TTC21B: variants seen among roughly 807,000 people sequenced by gnomAD.
TTC21B encodes the protein tetratricopeptide repeat domain 21B.
In TTC21B, 127 loss-of-function variants were observed where a neutral mutation model predicts 175.1. The ratio of observed to expected loss-of-function variants is 0.73; its 90% CI spans 0.63 to 0.84. TTC21B has a LOEUF of 0.84. Among genes scored for constraint, TTC21B ranks in the 40% least tolerant of loss-of-function variants. TTC21B has a pLI of 0.00. For synonymous variants in TTC21B, 524 were observed against 524.5 expected, an observed-to-expected ratio of 1.00 and a Z score of 0.01; for missense variants, 1,561 against 1,558.3, an observed-to-expected ratio of 1.00 and a Z score of -0.03.
At chr2:165,917,600 T>A in intron 13 of TTC21B, 119 bp from the exon 14 acceptor site, 2 of 829,720 alleles carry the variant, frequency 2.4e-6, no homozygotes, top group South Asian at 1.5e-5. Context: ...ATTGTATGCA[T>A]GAGGTCTATC....
intron 1 of TTC21B, among the ~76,000 whole-genome samples, chr2:165,951,458 AT>A (rs1400428000): frequency 6.6e-6 from 1 of 152,168 alleles, no homozygotes; most frequent in Non-Finnish European, 1.5e-5. Flanking sequence ...TAAAAAAAAA[AT>A]GTGTCCTGCG....
chr2:165,952,987 G>A (rs1164436360), intron 1 of TTC21B, among the ~76,000 whole-genome samples: 1 of 152,212 alleles, frequency 6.6e-6, no homozygotes, highest in East Asian at 1.9e-4. Context: ...TAAAATCTGA[G>A]AAGGCAGAAA....
rs142565795 is a variant in TTC21B at position 165,898,670 on chromosome 2, A to G, written c.2950+16T>C. 7.9e-4 allele frequency: 1,238 copies of G among 1,559,818 alleles called. 13 individuals are homozygous for G. In the African/African-American group the frequency reaches 0.015, roughly 19 times the overall value. ...GGGGTGACTGCACTCAAAAAATACA[A>G]TAAGTAGGTATTTACCTGGCTTACG... is the stretch of plus-strand genomic sequence containing the variant. On this transcript the variant is annotated intron_variant, in intron 22 of 28. Coordinates refer to ENST00000243344, the MANE Select transcript of TTC21B (RefSeq NM_024753.5).
chr2:165,877,180 AAT>A (rs1457494735), intron 27 of TTC21B, among the ~76,000 whole-genome samples: 3 of 152,216 alleles, frequency 2.0e-5, no homozygotes, highest in Admixed American at 6.5e-5. Flanking sequence ...TGTAATAAAA[AAT>A]ATCTCACTCT....
Position 165,873,751 on chromosome 2 carries a change from C to G in TTC21B, c.*1004G>C, listed in dbSNP as rs1288647796. 6.6e-6 allele frequency: 1 copy of G among 152,048 alleles called. No homozygotes were observed. The highest frequency in any genetic ancestry group is 1.5e-5 in the Non-Finnish European group (1 of 68,028). 9.4% of individuals were successfully genotyped at this position (152,048 alleles called of 1,614,324 possible). A position where few individuals can be genotyped will look rare whatever the true frequency, so the allele number is the denominator to read the frequency against. ...GATTATTTCTTAAGACCACAATGGCCTTGAAAGCAGGAAGAATGAGCTCAA... is the reference window on the plus strand; with the variant it reads ...GATTATTTCTTAAGACCACAATGGCGTTGAAAGCAGGAAGAATGAGCTCAA... On this transcript the variant is annotated 3_prime_UTR_variant, in exon 29 of 29. Transcript: ENST00000243344.
chr2:165,946,217 T>C (rs1483125983), intron 3 of TTC21B, among the ~76,000 whole-genome samples: 1 of 150,124 alleles, frequency 6.7e-6, no homozygotes, highest in Non-Finnish European at 1.5e-5. Context: ...CGTGCACCTG[T>C]AGTCCCAGCT....
Position 165,911,476 on chromosome 2 carries a change from T to G in TTC21B, c.2323-11A>C. The G allele has an allele frequency of 6.2e-7, 1 of 1,613,638 alleles. No homozygotes were observed. Among genetic ancestry groups the G allele is most frequent in the Non-Finnish European group, 8.5e-7 (1 of 1,179,808 alleles). On this transcript the variant is annotated splice_polypyrimidine_tract_variant and intron_variant, in intron 17 of 28. Coordinates refer to ENST00000243344, the MANE Select transcript of TTC21B (RefSeq NM_024753.5). ...ATAGTAAGTGATTGCCTAAACAAAATTCATTCCATTTAAGGGAACAAGGCA... is the reference window on the plus strand; with the variant it reads ...ATAGTAAGTGATTGCCTAAACAAAAGTCATTCCATTTAAGGGAACAAGGCA...
intron 19 of TTC21B, among the ~76,000 whole-genome samples, chr2:165,902,336 C>A (rs1685597128): frequency 6.6e-6 from 1 of 152,190 alleles, no homozygotes; most frequent in South Asian, 2.1e-4. Flanking sequence ...TAAGAACTCA[C>A]ACGTTTTAGG....
chr2:165,893,496 T>A (rs1006712251), intron 22 of TTC21B, among the ~76,000 whole-genome samples: 28 of 152,198 alleles, frequency 1.8e-4, no homozygotes, highest in Admixed American at 4.6e-4. Context: ...TAAATTACAT[T>A]CACTTGTCTT....
At position 165,933,636 on chromosome 2, in the gene TTC21B, C is replaced by T. The variant is rs142420032; in HGVS notation, c.711-579G>A. On this transcript the variant is annotated intron_variant, in intron 6 of 28. Coordinates refer to ENST00000243344, the MANE Select transcript of TTC21B (RefSeq NM_024753.5). ...AAAAAGAACTGAACCAAAAAGGTAA[C>T]GCCCCAGACTTCTCTTATCATGGAT... Among the ~76,000 whole-genome samples, 413 of 152,222 alleles carry T rather than the reference C, an allele frequency of 2.7e-3. 2 individuals carry two copies. The highest frequency in any genetic ancestry group is 2.1e-3 in the Non-Finnish European group (141 of 68,006).
At chr2:165,884,141 A>G in intron 25 of TTC21B, 123 bp from the exon 26 acceptor site, 3 of 795,640 alleles carry the variant, frequency 3.8e-6, no homozygotes, top group Non-Finnish European at 6.4e-6. Context: ...TCCATTACAG[A>G]TAACTGTGAT....
At chr2:165,874,860 A>G in intron 28 of TTC21B, 28 bp from the exon 29 acceptor site, 1 of 1,597,350 alleles carries the variant, frequency 6.3e-7, no homozygotes, top group African/African-American at 1.3e-5. Flanking sequence ...AACCCATAAA[A>G]ACTTGTAACT....
At chr2:165,884,848 G>A (rs9332423) in intron 25 of TTC21B, among the ~76,000 whole-genome samples, 68,953 of 152,034 alleles carry the variant, frequency 0.45, 16,037 homozygotes, top group Middle Eastern at 0.57. Context: ...TTTCAGCAGA[G>A]GGATTATGAT....
At chr2:165,898,454 T>G (rs1685445017) in intron 22 of TTC21B, among the ~76,000 whole-genome samples, 1 of 152,202 alleles carries the variant, frequency 6.6e-6, no homozygotes, top group South Asian at 2.1e-4. Flanking sequence ...GAATTCATTT[T>G]TGGAATACAG....
At chr2:165,933,135 G>C in intron 6 of TTC21B, 78 bp from the exon 7 acceptor site, 1 of 1,249,380 alleles carries the variant, frequency 8.0e-7, no homozygotes. Context: ...AAGTTGGTTT[G>C]CTTGCCTCAC....
At chr2:165,892,344 C>T (rs1007268843) in intron 22 of TTC21B, among the ~76,000 whole-genome samples, 1 of 152,082 alleles carries the variant, frequency 6.6e-6, no homozygotes, top group Non-Finnish European at 1.5e-5. Flanking sequence ...CCATGTAATT[C>T]AGCAACTTTC....
At chr2:165,875,734 G>A (rs1025627893) in intron 28 of TTC21B, among the ~76,000 whole-genome samples, 1 of 151,566 alleles carries the variant, frequency 6.6e-6, no homozygotes. Context: ...ATAATGATCT[G>A]GAGAATCTAT....
chr2:165,908,716 G>C (rs1387159039), intron 18 of TTC21B, among the ~76,000 whole-genome samples: 1 of 151,876 alleles, frequency 6.6e-6, no homozygotes, highest in Non-Finnish European at 1.5e-5. Context: ...GTATGTCATG[G>C]GTATGCTCAG....
intron 8 of TTC21B, among the ~76,000 whole-genome samples, chr2:165,931,012 C>T (rs1686887156): frequency 6.6e-6 from 1 of 151,896 alleles, no homozygotes; most frequent in Non-Finnish European, 1.5e-5. Flanking sequence ...TAGTAAAAAA[C>T]TAATTGAAAT....
Sources: allele counts gnomAD v4.1 joint callset (sites outside exome capture counted in the v4.1 genomes callset), GRCh38; gene constraint gnomAD v4.1.1; transcripts MANE v1.5; gene names NCBI Gene and HGNC (gene_info 2026-07-23, HGNC 2026-07-21).